Variants in KCNK12 observed in about 807,000 individuals in gnomAD.
KCNK12 encodes potassium channel subfamily K member 12.
Under a neutral mutation model 25.3 loss-of-function variants are expected in KCNK12, and 6 were observed. The ratio of observed to expected loss-of-function variants is 0.24; its 90% confidence interval spans 0.13 to 0.47. The LOEUF is 0.47. Ranked by LOEUF, KCNK12 falls within the 20% of genes least tolerant of loss-of-function variation. KCNK12 has a pLI of 0.99. For missense variants in KCNK12, 444 were observed against 661.7 expected, an observed-to-expected ratio of 0.67 and a Z score of 3.61; for synonymous variants, 331 against 311.1, an observed-to-expected ratio of 1.06 and a Z score of -0.67.
chr2:47,536,687 C>T (rs1377170102), intron 1 of KCNK12, among the ~76,000 whole-genome samples: 1 of 152,200 alleles, frequency 6.6e-6, no homozygotes, highest in African/African-American at 2.4e-5. Flanking sequence ...TCTGGGGCAT[C>T]TCAGTCAGAG....
chr2:47,526,405 G>GA (rs34272868), intron 1 of KCNK12, among the ~76,000 whole-genome samples: 5,837 of 90,772 alleles, frequency 0.064, 236 homozygotes, highest in Middle Eastern at 0.19. Flanking sequence ...GACTCCCTCA[G>GA]AAAAAAAAAA....
At chr2:47,544,454 G>A (rs1004298942) in intron 1 of KCNK12, among the ~76,000 whole-genome samples, 17 of 152,206 alleles carry the variant, frequency 1.1e-4, no homozygotes, top group Non-Finnish European at 1.3e-4. Flanking sequence ...TTCTTCCCAG[G>A]CCCCCAGTGA....
intron 1 of KCNK12, among the ~76,000 whole-genome samples, chr2:47,543,097 C>T (rs148185337): frequency 3.5e-4 from 53 of 152,128 alleles, no homozygotes; most frequent in Non-Finnish European, 6.9e-4. Context: ...GCTTGGCCAA[C>T]GTGTTCTTTT....
intron 1 of KCNK12, among the ~76,000 whole-genome samples, chr2:47,534,526 C>G (rs1274644820): frequency 1.6e-5 from 2 of 128,610 alleles, no homozygotes; most frequent in Admixed American, 1.5e-4. Flanking sequence ...CCCCCCCCCC[C>G]GCCCCCACAC....
intron 1 of KCNK12, among the ~76,000 whole-genome samples, chr2:47,537,064 T>C (rs1480457470): frequency 6.6e-6 from 1 of 152,226 alleles, no homozygotes; most frequent in African/African-American, 2.4e-5. Context: ...TTCTGTGAAA[T>C]GCTTATGCTC....
rs1669891236 is a variant in KCNK12 at position 47,570,665 on chromosome 2, C to T, written c.-334G>A. On this transcript the variant is annotated 5_prime_UTR_variant, in exon 1 of 2. Transcript: ENST00000327876. ...GCTCCGCAGCTAGGCCCCTGCCGCC[C>T]GGTGGCCGGCGTCCGCGGGGCCCCG... 6.1e-6 allele frequency: 1 copy of T among 164,740 alleles called. No homozygotes were observed. The highest frequency in any genetic ancestry group is 1.3e-5 in the Non-Finnish European group (1 of 76,650). 10.2% of individuals were successfully genotyped at this position (164,740 alleles called of 1,614,324 possible). A position where few individuals can be genotyped will look rare whatever the true frequency, so the allele number is the denominator to read the frequency against.
Position 47,528,035 on chromosome 2 carries a change from T to A in KCNK12, c.392-6227A>T, listed in dbSNP as rs1668826042. Among the ~76,000 whole-genome samples, 1 of 152,150 alleles carries A rather than the reference T, an allele frequency of 6.6e-6. No homozygotes were observed. The highest frequency in any genetic ancestry group is 1.5e-5 in the Non-Finnish European group (1 of 68,022). On this transcript the variant is annotated intron_variant, in intron 1 of 1. Coordinates refer to ENST00000327876, the MANE Select transcript of KCNK12 (RefSeq NM_022055.2). This position sits in a 1 kb window ranked among gnomAD's most constrained non-coding sequence, Gnocchi z 4.5. ...AGGCTCACCTCTGGGACAGGGCGCA[T>A]ATAGTCTGGGCCAGAACTTGTCCTG...
intron 1 of KCNK12, among the ~76,000 whole-genome samples, chr2:47,524,260 A>G (rs1273716310): frequency 6.6e-6 from 1 of 152,258 alleles, no homozygotes; most frequent in Non-Finnish European, 1.5e-5. Context: ...CATGGCTATA[A>G]GTGGAGTGGG....
At chr2:47,541,996 C>A (rs1669211090) in intron 1 of KCNK12, among the ~76,000 whole-genome samples, 1 of 152,210 alleles carries the variant, frequency 6.6e-6, no homozygotes. Context: ...GCAGCAGCAG[C>A]AGCGGCAGCA....
chr2:47,519,608 G>C lies in KCNK12; in HGVS notation c.*1299C>G, dbSNP rs1196271594. 2 of 152,230 alleles carry C rather than the reference G, an allele frequency of 1.3e-5. No homozygotes were observed. Among genetic ancestry groups the C allele is most frequent in the Non-Finnish European group, 2.9e-5 (2 of 68,048 alleles). The allele number at this position is 152,230 out of a possible 1,614,324, so 9.4% of individuals were successfully genotyped here. ...TATGCTGCAGAAGGCAAGTCTGGGA[G>C]AATCTGTCCCTCAGCCCGAGAGCAA... On this transcript the variant is annotated 3_prime_UTR_variant, in exon 2 of 2. Coordinates refer to ENST00000327876, the MANE Select transcript of KCNK12 (RefSeq NM_022055.2).
rs1267258900 is a variant in KCNK12 at position 47,551,785 on chromosome 2, G to C, written c.391+18156C>G. On this transcript the variant is annotated intron_variant, in intron 1 of 1. Transcript: ENST00000327876. The surrounding 1 kb of genome is among the most constrained non-coding windows in gnomAD (Gnocchi z 5.3). The stretch of plus-strand genomic sequence containing the variant: ...ATTATTGGTTTAAGATTCAGTTCTA[G>C]CCACAGGCTGCACTGTGCATAAATC... Among the ~76,000 whole-genome samples the C allele has an allele frequency of 6.6e-6, 1 of 152,208 alleles. No homozygotes were observed. The highest frequency in any genetic ancestry group is 1.5e-5 in the Non-Finnish European group (1 of 68,042).
intron 1 of KCNK12, among the ~76,000 whole-genome samples, chr2:47,541,808 C>A (rs1337124811): frequency 6.6e-6 from 1 of 152,112 alleles, no homozygotes; most frequent in African/African-American, 2.4e-5. Context: ...CCCTGCCAGC[C>A]CCTTGATCTT....
At position 47,555,617 on chromosome 2, in the gene KCNK12, C is replaced by A. The variant is rs11674800; in HGVS notation, c.391+14324G>T. On this transcript the variant is annotated intron_variant, in intron 1 of 1. Coordinates refer to ENST00000327876, the MANE Select transcript of KCNK12 (RefSeq NM_022055.2). This position sits in a 1 kb window ranked among gnomAD's most constrained non-coding sequence, Gnocchi z 4.5. The stretch of plus-strand genomic sequence containing the variant: ...GTATACAACTTCTTTTTAGGTAATT[C>A]CTTTTCTATGAAGGCCTCCATATGT... Among the ~76,000 whole-genome samples, 20,298 of 152,202 alleles carry A rather than the reference C, an allele frequency of 0.13. 1,562 individuals carry two copies. Among genetic ancestry groups the A allele is most frequent in the African/African-American group, 0.2 (8,217 of 41,524 alleles).
chr2:47,564,116 C>T (rs935455764), intron 1 of KCNK12: 10 of 231,610 alleles, frequency 4.3e-5, no homozygotes, highest in African/African-American at 2.0e-4. Context: ...CAGGCTTGTT[C>T]GGGAGGCAGC....
Position 47,557,655 on chromosome 2 carries a change from G to A in KCNK12, c.391+12286C>T, listed in dbSNP as rs1669577026. 6.6e-6 allele frequency among the ~76,000 whole-genome samples: 1 copy of A among 152,106 alleles called. No homozygotes were observed. The highest frequency in any genetic ancestry group is 2.4e-5 in the African/African-American group (1 of 41,414). On this transcript the variant is annotated intron_variant, in intron 1 of 1. Transcript: ENST00000327876. This position sits in a 1 kb window ranked among gnomAD's most constrained non-coding sequence, Gnocchi z 4.9. ...TGCCCGGCTGAACAATGCACATCAAGGAGCTTTGTAAGGCAATTTCCGTAT... is the reference window on the plus strand; with the variant it reads ...TGCCCGGCTGAACAATGCACATCAAAGAGCTTTGTAAGGCAATTTCCGTAT...
At chr2:47,549,078 C>A (rs1182361430) in intron 1 of KCNK12, among the ~76,000 whole-genome samples, 2 of 152,066 alleles carry the variant, frequency 1.3e-5, no homozygotes, top group Admixed American at 6.5e-5. Context: ...AAAACAACTT[C>A]CAGGAAATCA....
chr2:47,515,394 A>G lies in KCNK12; in HGVS notation c.*5513T>C, dbSNP rs978654809. On this transcript the variant is annotated 3_prime_UTR_variant, in exon 2 of 2. Transcript: ENST00000327876. Reference sequence around the variant, plus strand: ...AGTCTGTGAGAGTTATTTACATCCTACTGCTTAAGGTCATCGCCAAAATCT... The same window carrying G: ...AGTCTGTGAGAGTTATTTACATCCTGCTGCTTAAGGTCATCGCCAAAATCT... 1.3e-5 allele frequency among the ~76,000 whole-genome samples: 2 copies of G among 152,240 alleles called. No individual in the cohort carries two copies. Among genetic ancestry groups the G allele is most frequent in the African/African-American group, 4.8e-5 (2 of 41,468 alleles).
Position 47,556,510 on chromosome 2 carries a change from G to A in KCNK12, c.391+13431C>T, listed in dbSNP as rs541766380. Reference sequence around the variant, plus strand: ...GTGGGATGTGGGGGGTGCTGCCAGTGTGGAGTGTCCAGCTGGTACTCAGGG... The same window carrying A: ...GTGGGATGTGGGGGGTGCTGCCAGTATGGAGTGTCCAGCTGGTACTCAGGG... On this transcript the variant is annotated intron_variant, in intron 1 of 1. Coordinates refer to ENST00000327876, the MANE Select transcript of KCNK12 (RefSeq NM_022055.2). This position sits in a 1 kb window ranked among gnomAD's most constrained non-coding sequence, Gnocchi z 4.8. Among the ~76,000 whole-genome samples the A allele has an allele frequency of 1.1e-4, 17 of 152,272 alleles. No homozygotes were observed. The highest frequency in any genetic ancestry group is 1.7e-4 in the African/African-American group (7 of 41,556).
At chr2:47,527,591 CT>C (rs2104753492) in intron 1 of KCNK12, 1 of 152,520 alleles carries the variant, frequency 6.6e-6, no homozygotes, top group East Asian at 1.9e-4. Flanking sequence ...CCTCCACTCT[CT>C]GGGGGCCTCT....
Sources: allele counts gnomAD v4.1 joint callset (sites outside exome capture counted in the v4.1 genomes callset), GRCh38; gene constraint gnomAD v4.1.1; non-coding constraint Gnocchi (gnomAD v3.1); transcripts MANE v1.5; gene names NCBI Gene and HGNC (gene_info 2026-07-23, HGNC 2026-07-21).